Variants in GRK2 observed in about 807,000 individuals in gnomAD.
GRK2 encodes G protein-coupled receptor kinase 2, also known as adrenergic beta receptor kinase 1.
GRK2 carries 23 observed loss-of-function variants against 97.8 expected under a neutral mutation model. The ratio of observed to expected loss-of-function variants is 0.24; its 90% CI spans 0.17 to 0.33. GRK2 has a LOEUF of 0.33. Ranked by LOEUF, GRK2 falls within the 10% of genes least tolerant of loss-of-function variation. The pLI, the probability that GRK2 is intolerant of heterozygous loss-of-function variation, is 1.00. For missense variants in GRK2, 633 were observed against 956.9 expected, an observed-to-expected ratio of 0.66 and a Z score of 4.47; for synonymous variants, 425 against 381.7, an observed-to-expected ratio of 1.11 and a Z score of -1.32.
At position 67,284,317 on chromosome 11, in the gene GRK2, C is replaced by G; in HGVS notation, c.1598C>G (p.Thr533Arg). The G allele has an allele frequency of 6.2e-7, 1 of 1,613,348 alleles. No homozygotes were observed. Among genetic ancestry groups the G allele is most frequent in the South Asian group, 1.1e-5 (1 of 91,086 alleles). Residue 533 changes from threonine to arginine, a missense_variant, in exon 18 of 21, where the codon ACA (threonine) becomes AGA (arginine). This residue lies in a region of GRK2 where 180 missense variants were observed against 311.3 expected (regional missense o/e 0.58). Transcript: ENST00000308595. Reference protein sequence around the residue: ...ETVFDTINAETDRLEARKKAK... With the variant: ...ETVFDTINAERDRLEARKKAK... ...GTCTTCGACACCATCAACGCTGAGA[C>G]AGACCGGCTGGAGGCTCGCAAGAAA...
Position 67,285,480 on chromosome 11 carries a change from AT to A in GRK2, c.*33del. ...CCCACCCGCCTTTTATAAACCTCTA[AT>A]TTATTTTGTCGAATTTTTATTATTT... On this transcript the variant is annotated 3_prime_UTR_variant, in exon 21 of 21. Transcript: ENST00000308595. 6.6e-7 allele frequency: 1 copy of A among 1,504,348 alleles called. No individual in the cohort carries two copies. The allele number at this position is 1,504,348 out of a possible 1,614,324, so 93.2% of individuals were successfully genotyped here.
intron 1 of GRK2, among the ~76,000 whole-genome samples, chr11:67,272,795 A>G (rs1279670901): frequency 2.6e-5 from 4 of 152,242 alleles, no homozygotes; most frequent in African/African-American, 7.2e-5. Context: ...CAGTAGAGCA[A>G]TGCAGTGCCT....
rs1229549892 is a variant in GRK2 at position 67,269,532 on chromosome 11, G to A, written c.113+2720G>A. Among the ~76,000 whole-genome samples the A allele has an allele frequency of 6.6e-6, 1 of 152,138 alleles. No individual in the cohort carries two copies. Among genetic ancestry groups the A allele is most frequent in the African/African-American group, 2.4e-5 (1 of 41,402 alleles). On this transcript the variant is annotated intron_variant, in intron 1 of 20. Transcript: ENST00000308595. This position sits in a 1 kb window ranked among gnomAD's most constrained non-coding sequence, Gnocchi z 4.1. Reference sequence around the variant, plus strand: ...GGGCTGACTGGCACCCCTTGTCTGGGGCCATCGGCTGTCACAGTTCACAAG... The same window carrying A: ...GGGCTGACTGGCACCCCTTGTCTGGAGCCATCGGCTGTCACAGTTCACAAG...
chr11:67,286,269 C>G lies in GRK2; in HGVS notation c.*819C>G. 1.6e-6 allele frequency: 1 copy of G among 618,776 alleles called. No homozygotes were observed. Among genetic ancestry groups the G allele is most frequent in the Non-Finnish European group, 2.9e-6 (1 of 346,004 alleles). The allele number at this position is 618,776 out of a possible 1,614,324, so 38.3% of individuals were successfully genotyped here. A position where few individuals can be genotyped will look rare whatever the true frequency, so the allele number is the denominator to read the frequency against. On this transcript the variant is annotated 3_prime_UTR_variant, in exon 21 of 21. Coordinates refer to ENST00000308595, the MANE Select transcript of GRK2 (RefSeq NM_001619.5). ...GCGGGCAGCACAGCAAGGAGGCTGG[C>G]TGGGGCCTATCAGTGTGCCCCCCAT...
In GRK2 at chr11:67,286,246, G is replaced by A. The variant is rs1042533390; in HGVS notation, c.*796G>A. On this transcript the variant is annotated 3_prime_UTR_variant, in exon 21 of 21. Coordinates refer to ENST00000308595, the MANE Select transcript of GRK2 (RefSeq NM_001619.5). The stretch of plus-strand genomic sequence containing the variant: ...CCAGGACGGGGCCGGCCAGGTGGGC[G>A]GGCAGCACAGCAAGGAGGCTGGCTG... 14 of 586,636 alleles carry A rather than the reference G, an allele frequency of 2.4e-5. No homozygotes were observed. The highest frequency in any genetic ancestry group is 3.9e-5 in the African/African-American group (2 of 51,854). 36.3% of individuals were successfully genotyped at this position (586,636 alleles called of 1,614,324 possible). A position where few individuals can be genotyped will look rare whatever the true frequency, so the allele number is the denominator to read the frequency against.
intron 1 of GRK2, among the ~76,000 whole-genome samples, chr11:67,267,695 T>A (rs944998814): frequency 2.0e-4 from 30 of 152,260 alleles, no homozygotes; most frequent in African/African-American, 6.5e-4. Flanking sequence ...GGTGCAAAAG[T>A]ACACAGGATG....
chr11:67,273,442 T>A (rs552235500), intron 1 of GRK2, among the ~76,000 whole-genome samples: 1 of 152,150 alleles, frequency 6.6e-6, no homozygotes, highest in Non-Finnish European at 1.5e-5. Flanking sequence ...CAGGGAGCAG[T>A]GTTGGAGACA....
At position 67,284,939 on chromosome 11, in the gene GRK2, C is replaced by G; in HGVS notation, c.1747C>G (p.Leu583Val). The G allele has an allele frequency of 6.2e-7, 1 of 1,613,028 alleles. No individual in the cohort carries two copies. Among genetic ancestry groups the G allele is most frequent in the Non-Finnish European group, 8.5e-7 (1 of 1,179,946 alleles). The change falls in exon 19 of 21, where the codon CTG becomes GTG. Residue 583 changes from leucine (L) to valine (V), a missense_variant. Physicochemically the swap from Leu to Val is conservative, Grantham distance 32 (BLOSUM62 1). Transcript: ENST00000308595. ...CCAGTGGCAGCGGCGGTACTTCTAC[C>G]TGTTCCCCAACCGCCTCGAGTGGCG... ...LTQWQRRYFY[L>V]FPNRLEWRGE...
At chr11:67,283,396 G>C in intron 15 of GRK2, 168 bp downstream of exon 15, 1 of 658,490 alleles carries the variant, frequency 1.5e-6, no homozygotes, top group South Asian at 1.8e-5. Context: ...GGGCTGCCCT[G>C]GGAGTTGGAG....
At chr11:67,284,070 TC>T in intron 17 of GRK2, 121 bp downstream of exon 17, 5 of 1,429,742 alleles carry the variant, frequency 3.5e-6, no homozygotes, top group Non-Finnish European at 4.8e-6. Flanking sequence ...AGGCCTCAGT[TC>T]CTCCTTGGCC....
At chr11:67,284,075 C>G in intron 17 of GRK2, 126 bp downstream of exon 17, 1 of 1,438,502 alleles carries the variant, frequency 7.0e-7, no homozygotes, top group Non-Finnish European at 9.6e-7. Context: ...TCAGTTCCTC[C>G]TTGGCCAACT....
At chr11:67,271,559 A>G (rs35590263) in intron 1 of GRK2, among the ~76,000 whole-genome samples, 2,563 of 152,350 alleles carry the variant, frequency 0.017, 27 homozygotes, top group East Asian at 0.047. Flanking sequence ...TGTCAGCAGT[A>G]AATTGCAGGG....
At chr11:67,277,815 G>C (rs1202611892) in intron 2 of GRK2, among the ~76,000 whole-genome samples, 1 of 152,204 alleles carries the variant, frequency 6.6e-6, no homozygotes, top group Non-Finnish European at 1.5e-5. Flanking sequence ...GATGCCTGCT[G>C]TCAGAAGTTT....
At chr11:67,270,128 G>A (rs1859875895) in intron 1 of GRK2, among the ~76,000 whole-genome samples, 1 of 152,174 alleles carries the variant, frequency 6.6e-6, no homozygotes, top group Non-Finnish European at 1.5e-5. Flanking sequence ...TTCACTCTCA[G>A]GGTCTGTGGT....
chr11:67,285,420 G>A lies in GRK2; in HGVS notation c.2040G>A (p.Leu680=), dbSNP rs1216457709. ...SPVVELSKVP[L]VQRGSANGL The stretch of plus-strand genomic sequence containing the variant: ...TGGTGGAGCTGAGCAAGGTGCCGCT[G>A]GTCCAGCGCGGCAGTGCCAACGGCC... The change falls in exon 21 of 21, where the codon CTG becomes CTA. Residue 680 remains leucine (L), a synonymous_variant. Transcript: ENST00000308595. 1 of 1,591,898 alleles carries A rather than the reference G, an allele frequency of 6.3e-7. No individual in the cohort carries two copies. The highest frequency in any genetic ancestry group is 1.1e-5 in the South Asian group (1 of 89,462).
chr11:67,268,366 T>C (rs1314227142), intron 1 of GRK2, among the ~76,000 whole-genome samples: 3 of 152,184 alleles, frequency 2.0e-5, no homozygotes, highest in Admixed American at 1.3e-4. Context: ...CCTTTTTTTT[T>C]CTAAGACATT....
chr11:67,273,378 G>A lies in GRK2; in HGVS notation c.114-3894G>A, dbSNP rs566130492. ...CCGGATCTCAGGGTTGCTGACCTGGGTGGGGGACAGGGACACGCTCTGGGC... is the reference window on the plus strand; with the variant it reads ...CCGGATCTCAGGGTTGCTGACCTGGATGGGGGACAGGGACACGCTCTGGGC... On this transcript the variant is annotated intron_variant, in intron 1 of 20. Transcript: ENST00000308595. Among the ~76,000 whole-genome samples, 6 of 152,340 alleles carry A rather than the reference G, an allele frequency of 3.9e-5. No homozygotes were observed. In the East Asian group the frequency reaches 1.2e-3, roughly 29 times the overall value.
chr11:67,274,413 C>T (rs945561946), intron 1 of GRK2, among the ~76,000 whole-genome samples: 3 of 149,920 alleles, frequency 2.0e-5, no homozygotes, highest in African/African-American at 7.3e-5. Flanking sequence ...ATGCCCGGCT[C>T]CTGGTGGGTG....
At position 67,282,674 on chromosome 11, in the gene GRK2, C is replaced by T; in HGVS notation, c.1161-78C>T. 1 of 1,582,948 alleles carries T rather than the reference C, an allele frequency of 6.3e-7. No individual in the cohort carries two copies. The highest frequency in any genetic ancestry group is 8.6e-7 in the Non-Finnish European group (1 of 1,159,436). On this transcript the variant is annotated intron_variant, in intron 13 of 20. Coordinates refer to ENST00000308595, the MANE Select transcript of GRK2 (RefSeq NM_001619.5). This position sits in a 1 kb window ranked among gnomAD's most constrained non-coding sequence, Gnocchi z 6.9. Reference sequence around the variant, plus strand: ...GGGTTGGCACCGTCCCTGACTTTGGCCACAGCTCATCCATGCTGCCTGCCT... The same window carrying T: ...GGGTTGGCACCGTCCCTGACTTTGGTCACAGCTCATCCATGCTGCCTGCCT...
Sources: allele counts gnomAD v4.1 joint callset (sites outside exome capture counted in the v4.1 genomes callset), GRCh38; gene constraint gnomAD v4.1.1; regional missense constraint gnomAD v4.1.1; non-coding constraint Gnocchi (gnomAD v3.1); transcripts MANE v1.5; gene names NCBI Gene and HGNC (gene_info 2026-07-23, HGNC 2026-07-21).